ZMIZ1: variants seen among roughly 807,000 people sequenced by gnomAD.
ZMIZ1 encodes the protein zinc finger MIZ-type containing 1, also known as zinc finger MIZ domain-containing protein 1.
ZMIZ1 carries 17 observed loss-of-function variants against 113.9 expected under a neutral mutation model. That is an observed-to-expected ratio of 0.15 (90% confidence interval 0.10 to 0.22). ZMIZ1 has a LOEUF of 0.22. Among genes scored for constraint, ZMIZ1 ranks in the 10% least tolerant of loss-of-function variants. ZMIZ1 has a pLI of 1.00. For missense variants in ZMIZ1, 1,059 were observed against 1,477.8 expected (o/e 0.72, Z 4.65); for synonymous variants, 607 against 603.1 (o/e 1.01, Z -0.09).
chr10:79,264,048 C>T lies in ZMIZ1; in HGVS notation c.281-13133C>T, dbSNP rs76963553. Among the ~76,000 whole-genome samples the T allele has an allele frequency of 3.9e-3, 593 of 152,290 alleles. 6 individuals carry two copies. Among genetic ancestry groups the T allele is most frequent in the African/African-American group, 0.013 (558 of 41,560 alleles). ...AGCAACGGGCAGTGATGTTTAGCCCCGAGGAAAAATTACATGCGGAATGGA... is the reference window on the plus strand; with the variant it reads ...AGCAACGGGCAGTGATGTTTAGCCCTGAGGAAAAATTACATGCGGAATGGA... On this transcript the variant is annotated intron_variant, in intron 7 of 24. Coordinates refer to ENST00000334512, the MANE Select transcript of ZMIZ1 (RefSeq NM_020338.4).
chr10:79,166,595 G>A (rs1052503265), intron 4 of ZMIZ1, among the ~76,000 whole-genome samples: 2 of 152,246 alleles, frequency 1.3e-5, no homozygotes, highest in Non-Finnish European at 2.9e-5. Flanking sequence ...AACGAGAGGC[G>A]GCCTGTGCCC....
At chr10:79,194,397 A>C (rs571090009) in intron 4 of ZMIZ1, among the ~76,000 whole-genome samples, 1 of 152,342 alleles carries the variant, frequency 6.6e-6, no homozygotes, top group African/African-American at 2.4e-5. Context: ...GAGGCCTCAA[A>C]GGTGGGAAAT....
intron 1 of ZMIZ1, among the ~76,000 whole-genome samples, chr10:79,094,434 C>T (rs1241867484): frequency 6.6e-6 from 1 of 152,246 alleles, no homozygotes; most frequent in Non-Finnish European, 1.5e-5. Context: ...TGGGTTCAAA[C>T]CTTCTCGCAC....
chr10:79,202,206 AAAAAAAAAG>A (rs1848121938), intron 5 of ZMIZ1, among the ~76,000 whole-genome samples: 2 of 138,494 alleles, frequency 1.4e-5, no homozygotes, highest in East Asian at 2.0e-4. Flanking sequence ...AAAAAAAAAA[AAAAAAAAAG>A]AAAGAAAGAA....
rs1357263204 is a variant in ZMIZ1 at position 79,314,367 on chromosome 10, CTCT to C, written c.*1619_*1621del. ...CCCGTCCGCTGTGGGTGGTCCCCAG[CTCT>C]CCTCTGTGGGTTTTACCGGAAAGGT... is the stretch of plus-strand genomic sequence containing the variant. On this transcript the variant is annotated 3_prime_UTR_variant, in exon 25 of 25. Coordinates refer to ENST00000334512, the MANE Select transcript of ZMIZ1 (RefSeq NM_020338.4). 10 of 411,124 alleles carry C rather than the reference CTCT, an allele frequency of 2.4e-5. No individual in the cohort carries two copies. The highest frequency in any genetic ancestry group is 1.6e-4 in the African/African-American group (8 of 49,006). 25.5% of individuals were successfully genotyped at this position (411,124 alleles called of 1,614,324 possible).
intron 12 of ZMIZ1, chr10:79,294,629 G>A (rs1252210785): frequency 6.6e-6 from 1 of 152,198 alleles, no homozygotes; most frequent in African/African-American, 2.4e-5. Flanking sequence ...ACCTGCAGAA[G>A]ACGTAGGGAC....
At chr10:79,309,313 G>C (rs1341745224) in intron 23 of ZMIZ1, among the ~76,000 whole-genome samples, 1 of 152,192 alleles carries the variant, frequency 6.6e-6, no homozygotes, top group Non-Finnish European at 1.5e-5. Context: ...AGCTGCCTCT[G>C]AAGATCCAGG....
Position 79,304,051 on chromosome 10 carries a change from G to A in ZMIZ1, c.2162G>A (p.Gly721Asp). Residue 721 changes from glycine to aspartate, a missense_variant, in exon 19 of 25, where the codon GGC becomes GAC. Physicochemically the swap from Gly to Asp is moderately conservative, Grantham distance 94 (BLOSUM62 -1). Coordinates refer to ENST00000334512, the MANE Select transcript of ZMIZ1 (RefSeq NM_020338.4). The part of the protein sequence containing the change: ...RNFSSVAASS[G>D]NTTLNGEDGV... The stretch of plus-strand genomic sequence containing the variant: ...TTCAGCAGCGTGGCTGCCTCCTCGG[G>A]CAACACGACCCTCAACGGGGAGGAT... The A allele has an allele frequency of 1.9e-6, 3 of 1,614,178 alleles. No individual in the cohort carries two copies. Among genetic ancestry groups the A allele is most frequent in the Non-Finnish European group, 8.5e-7 (1 of 1,180,044 alleles).
intron 7 of ZMIZ1, among the ~76,000 whole-genome samples, chr10:79,240,956 T>C (rs1238325705): frequency 2.6e-5 from 4 of 152,144 alleles, no homozygotes; most frequent in Non-Finnish European, 4.4e-5. Context: ...CCAACACATA[T>C]AGGATATCTC....
intron 2 of ZMIZ1, among the ~76,000 whole-genome samples, chr10:79,139,236 G>A (rs1035334939): frequency 6.6e-6 from 1 of 152,142 alleles, no homozygotes; most frequent in Non-Finnish European, 1.5e-5. Flanking sequence ...CTTTGGAAGT[G>A]GCTGCCGGCC....
At chr10:79,269,206 C>T (rs1018299235) in intron 7 of ZMIZ1, among the ~76,000 whole-genome samples, 2 of 152,164 alleles carry the variant, frequency 1.3e-5, no homozygotes, top group Non-Finnish European at 2.9e-5. Context: ...GCTGCTGCTA[C>T]TTCAGAGGGT....
At chr10:79,193,167 A>G (rs1484302047) in intron 4 of ZMIZ1, among the ~76,000 whole-genome samples, 1 of 152,222 alleles carries the variant, frequency 6.6e-6, no homozygotes, top group Non-Finnish European at 1.5e-5. Flanking sequence ...GGAAGTCATC[A>G]GTCTACATCA....
At chr10:79,096,391 G>T (rs1287901479) in intron 1 of ZMIZ1, among the ~76,000 whole-genome samples, 3 of 151,958 alleles carry the variant, frequency 2.0e-5, no homozygotes, top group Admixed American at 2.0e-4. Flanking sequence ...GGGCACCTGT[G>T]GTCCCAGCTA....
At chr10:79,291,670 G>A (rs1195560254) in intron 10 of ZMIZ1, among the ~76,000 whole-genome samples, 2 of 152,210 alleles carry the variant, frequency 1.3e-5, no homozygotes, top group African/African-American at 4.8e-5. Context: ...GAGCTCTGGG[G>A]AGTGGTGTGA....
chr10:79,268,783 G>A (rs1021635270), intron 7 of ZMIZ1, among the ~76,000 whole-genome samples: 19 of 152,206 alleles, frequency 1.2e-4, no homozygotes, highest in African/African-American at 4.6e-4. Context: ...GAGGTAATCA[G>A]AATGCATGGG....
chr10:79,078,121 C>T (rs1294380720), intron 1 of ZMIZ1, among the ~76,000 whole-genome samples: 1 of 152,224 alleles, frequency 6.6e-6, no homozygotes. Context: ...GCTTGTTCCC[C>T]TTGGAAAGGC....
rs1400893267 is a variant in ZMIZ1, at chr10:79,165,970, G to GTCTGGGCTCTTCCTGCAGCTCAGC, written c.-50+3838_-50+3839insCTGGGCTCTTCCTGCAGCTCAGCT. 4.9e-3 allele frequency among the ~76,000 whole-genome samples: 729 copies of GTCTGGGCTCTTCCTGCAGCTCAGC among 148,218 alleles called. 32 individuals carry two copies. Among genetic ancestry groups the GTCTGGGCTCTTCCTGCAGCTCAGC allele is most frequent in the African/African-American group, 0.011 (442 of 39,072 alleles). On this transcript the variant is annotated intron_variant, in intron 4 of 24. Coordinates refer to ENST00000334512, the MANE Select transcript of ZMIZ1 (RefSeq NM_020338.4). ...CAGCTGTGTGTGTGTGTGTGTGTGT[G>GTCTGGGCTCTTCCTGCAGCTCAGC]TGTGTGTGTGTGTGTGTGTGTGTGT...
At chr10:79,175,616 G>C (rs1264904258) in intron 4 of ZMIZ1, among the ~76,000 whole-genome samples, 3 of 114,726 alleles carry the variant, frequency 2.6e-5, no homozygotes, top group African/African-American at 4.1e-5. Context: ...GTGTGTGTGT[G>C]TGTGTGTGTG....
chr10:79,309,147 C>G (rs1444151500), intron 23 of ZMIZ1, among the ~76,000 whole-genome samples: 1 of 152,222 alleles, frequency 6.6e-6, no homozygotes, highest in Non-Finnish European at 1.5e-5. Context: ...CACTGCCATG[C>G]CCGCAGAGAC....
Sources: allele counts gnomAD v4.1 joint callset (sites outside exome capture counted in the v4.1 genomes callset), GRCh38; gene constraint gnomAD v4.1.1; transcripts MANE v1.5; gene names NCBI Gene and HGNC (gene_info 2026-07-23, HGNC 2026-07-21).